Variants in SESN1 observed in about 807,000 individuals in gnomAD.
SESN1 encodes the protein sestrin-1.
SESN1 carries 30 observed loss-of-function variants against 59.3 expected under a neutral mutation model. The ratio of observed to expected loss-of-function variants is 0.51; its 90% CI spans 0.38 to 0.69. SESN1 has a LOEUF of 0.69. Ranked by LOEUF, SESN1 falls within the 30% of genes least tolerant of loss-of-function variation. SESN1 has a pLI of 0.00. For synonymous variants in SESN1, 197 were observed against 219.9 expected (o/e 0.90, Z 0.92); for missense variants, 566 against 673.0 (o/e 0.84, Z 1.76).
chr6:109,045,771 G>A (rs1780419714), intron 1 of SESN1, among the ~76,000 whole-genome samples: 1 of 152,166 alleles, frequency 6.6e-6, no homozygotes, highest in African/African-American at 2.4e-5. Context: ...ATAACTGCCT[G>A]TTTATCTTGC....
rs1247787031 is a variant in SESN1, at chr6:108,984,588, A to C, written c.*2956T>G. Among the ~76,000 whole-genome samples the C allele has an allele frequency of 2.0e-5, 3 of 152,324 alleles. No individual in the cohort carries two copies. Among genetic ancestry groups the C allele is most frequent in the East Asian group, 3.9e-4 (2 of 5,186 alleles). On this transcript the variant is annotated 3_prime_UTR_variant, in exon 10 of 10. Coordinates refer to ENST00000436639, the MANE Select transcript of SESN1 (RefSeq NM_014454.3). ...CAGCATACAACATACATCAACATAC[A>C]AATGTAGGGGAAGACACAAACATTC... is the stretch of plus-strand genomic sequence containing the variant.
At chr6:109,084,514 T>C (rs527982506) in intron 1 of SESN1, among the ~76,000 whole-genome samples, 10 of 151,994 alleles carry the variant, frequency 6.6e-5, no homozygotes, top group Middle Eastern at 3.4e-3. Context: ...AATCACGCCA[T>C]TGCACTCCAG....
chr6:109,091,270 T>C (rs1341084877), intron 1 of SESN1, among the ~76,000 whole-genome samples: 1 of 152,180 alleles, frequency 6.6e-6, no homozygotes, highest in African/African-American at 2.4e-5. Context: ...GTTTGTAGCC[T>C]AGAAACAACA....
chr6:109,043,725 C>T (rs1052744730), intron 1 of SESN1, among the ~76,000 whole-genome samples: 41 of 152,128 alleles, frequency 2.7e-4, no homozygotes, highest in African/African-American at 9.2e-4. Flanking sequence ...GAGAAATATT[C>T]AATGCTCATA....
intron 1 of SESN1, chr6:109,059,430 C>T (rs1022212547): frequency 1.4e-4 from 22 of 152,206 alleles, no homozygotes; most frequent in African/African-American, 5.3e-4. Context: ...TCCTTGATTT[C>T]GAAACATGGT....
At chr6:109,016,410 T>C in intron 1 of SESN1, among the ~76,000 whole-genome samples, 1 of 152,202 alleles carries the variant, frequency 6.6e-6, no homozygotes, top group Non-Finnish European at 1.5e-5. Flanking sequence ...AATCTTTAGT[T>C]GTAGGTCCTA....
At chr6:109,047,364 C>G (rs866163169) in intron 1 of SESN1, among the ~76,000 whole-genome samples, 2 of 131,236 alleles carry the variant, frequency 1.5e-5, no homozygotes, top group East Asian at 2.4e-4. Context: ...GCCCCCTGCC[C>G]GGCCAGCCGC....
At chr6:109,028,416 G>T (rs1184725477) in intron 1 of SESN1, among the ~76,000 whole-genome samples, 3 of 152,084 alleles carry the variant, frequency 2.0e-5, no homozygotes. Context: ...ATTTGTTGTT[G>T]TTGTTATCAC....
intron 1 of SESN1, among the ~76,000 whole-genome samples, chr6:109,042,100 A>G (rs564500695): frequency 6.6e-6 from 1 of 152,260 alleles, no homozygotes; most frequent in South Asian, 2.1e-4. Flanking sequence ...ACACTCAGAA[A>G]TAATTCATGA....
intron 1 of SESN1, among the ~76,000 whole-genome samples, chr6:109,044,899 T>C (rs1437397877): frequency 6.6e-6 from 1 of 152,024 alleles, no homozygotes; most frequent in African/African-American, 2.4e-5. Context: ...GGCGCATGCC[T>C]GTAATCTCAG....
chr6:108,990,559 G>A (rs997709159), intron 8 of SESN1, 86 bp downstream of exon 8: 10 of 1,166,452 alleles, frequency 8.6e-6, no homozygotes, highest in Admixed American at 3.9e-5. Flanking sequence ...GATTATGTGT[G>A]TGTCTATGTG....
At chr6:109,085,494 A>G (rs987408496) in intron 1 of SESN1, among the ~76,000 whole-genome samples, 6 of 149,854 alleles carry the variant, frequency 4.0e-5, no homozygotes, top group South Asian at 4.2e-4. Context: ...ACTCCAGCCT[A>G]GGTGACAGAG....
At chr6:109,073,750 T>C (rs1009111733) in intron 1 of SESN1, among the ~76,000 whole-genome samples, 1 of 152,240 alleles carries the variant, frequency 6.6e-6, no homozygotes, top group Non-Finnish European at 1.5e-5. Context: ...TATACCATAT[T>C]AGAAGAGACA....
At chr6:109,055,593 C>T (rs906021249) in intron 1 of SESN1, among the ~76,000 whole-genome samples, 4 of 139,620 alleles carry the variant, frequency 2.9e-5, no homozygotes, top group Non-Finnish European at 6.0e-5. Flanking sequence ...ACCTGGGAGG[C>T]GGAGGTTGCA....
chr6:109,022,120 CTT>C (rs1780021773), intron 1 of SESN1, among the ~76,000 whole-genome samples: 1 of 150,012 alleles, frequency 6.7e-6, no homozygotes, highest in South Asian at 2.1e-4. Context: ...CTCCTTTCTT[CTT>C]TTAATTTCCT....
chr6:109,009,487 G>A (rs1347416516), intron 1 of SESN1: 2 of 1,235,370 alleles, frequency 1.6e-6, no homozygotes, highest in Non-Finnish European at 2.0e-6. Context: ...CTGCGGACGC[G>A]CGGAGGCGGC....
At chr6:109,027,586 G>A (rs1780117095) in intron 1 of SESN1, among the ~76,000 whole-genome samples, 1 of 150,886 alleles carries the variant, frequency 6.6e-6, no homozygotes, top group South Asian at 2.1e-4. Flanking sequence ...TTCTTAACAA[G>A]TGATTTTTTT....
In SESN1 at chr6:108,998,642, A is replaced by C. The variant is rs369355631; in HGVS notation, c.843T>G (p.Ser281Arg). ...GGCCACCATCACAATGAATTTCTGGACTGATTCCACAGCCGAATGTGAATG... is the reference window on the plus strand; with the variant it reads ...GGCCACCATCACAATGAATTTCTGGCCTGATTCCACAGCCGAATGTGAATG... ...LASFTFGCGI[S>R]PEIHCDGGHT... The change falls in exon 5 of 10, where the codon AGT becomes AGG. Residue 281 changes from serine to arginine, a missense_variant. By Grantham distance (110) the Ser-to-Arg change is moderately radical (BLOSUM62 -1). Coordinates refer to ENST00000436639, the MANE Select transcript of SESN1 (RefSeq NM_014454.3). 73 of 1,613,890 alleles carry C rather than the reference A, an allele frequency of 4.5e-5. No individual in the cohort carries two copies. The highest frequency in any genetic ancestry group is 5.8e-5 in the Non-Finnish European group (68 of 1,179,876).
At position 109,036,994 on chromosome 6, in the gene SESN1, C is replaced by T. The variant is rs148832490; in HGVS notation, c.280-34651G>A. ...TCAGCACCTCAGTTAGGAAACTTAC[C>T]GATCAAGGTCCCTTGTCTTTTTCTA... is the stretch of plus-strand genomic sequence containing the variant. On this transcript the variant is annotated intron_variant, in intron 1 of 9. Transcript: ENST00000436639. 2.6e-4 allele frequency among the ~76,000 whole-genome samples: 39 copies of T among 152,300 alleles called. No homozygotes were observed. The East Asian group carries it at 6.7e-3, about 26-fold the overall frequency.
Sources: gnomAD v4.1 joint callset for allele counts (sites outside exome capture counted in the v4.1 genomes callset) on GRCh38, gnomAD v4.1.1 for gene constraint, MANE v1.5 for transcripts, NCBI Gene and HGNC (gene_info 2026-07-23, HGNC 2026-07-21) for gene names.